BBS9: variants seen among roughly 807,000 people sequenced by gnomAD.
The protein encoded by BBS9 is Bardet-Biedl syndrome 9.
A neutral mutation model predicts 117.7 loss-of-function variants in BBS9; 89 were observed. That is an observed-to-expected ratio of 0.76 (90% CI 0.64 to 0.90). BBS9 has a LOEUF of 0.90. Ranked by LOEUF, BBS9 falls within the 40% of genes least tolerant of loss-of-function variation. BBS9 has a pLI of 0.00. For missense variants in BBS9, 982 were observed against 1,042.2 expected, an observed-to-expected ratio of 0.94 and a Z score of 0.80; for synonymous variants, 379 against 370.9, an observed-to-expected ratio of 1.02 and a Z score of -0.25.
intron 5 of BBS9, among the ~76,000 whole-genome samples, chr7:33,206,155 A>C (rs1786876587): frequency 6.6e-6 from 1 of 152,226 alleles, no homozygotes; most frequent in Admixed American, 6.5e-5. Context: ...AAATCTCTGC[A>C]AATCCCCAAG....
intron 19 of BBS9, among the ~76,000 whole-genome samples, chr7:33,441,667 CA>C (rs1836212646): frequency 6.6e-6 from 1 of 152,168 alleles, no homozygotes; most frequent in African/African-American, 2.4e-5. Flanking sequence ...TTAATGTTTG[CA>C]TGGTTGTTAA....
At chr7:33,247,140 AT>A (rs975138627) in intron 5 of BBS9, among the ~76,000 whole-genome samples, 2 of 151,924 alleles carry the variant, frequency 1.3e-5, no homozygotes, top group Non-Finnish European at 2.9e-5. Context: ...CTCTGAAAGA[AT>A]TTTTTCCCTT....
At chr7:33,261,312 C>T (rs10251272) in intron 6 of BBS9, among the ~76,000 whole-genome samples, 24,989 of 152,118 alleles carry the variant, frequency 0.16, 2,411 homozygotes, top group Non-Finnish European at 0.22. Context: ...CAGTGCTCCT[C>T]GATGGCAGGA....
At chr7:33,159,697 A>G (rs1794573526) in intron 4 of BBS9, among the ~76,000 whole-genome samples, 1 of 152,224 alleles carries the variant, frequency 6.6e-6, no homozygotes, top group Non-Finnish European at 1.5e-5. Flanking sequence ...TTCATAGGTT[A>G]CAGTGCCCTC....
At chr7:33,411,185 G>A (rs1004122856) in intron 19 of BBS9, among the ~76,000 whole-genome samples, 1 of 152,020 alleles carries the variant, frequency 6.6e-6, no homozygotes, top group Non-Finnish European at 1.5e-5. Flanking sequence ...TTGGTTTTCA[G>A]TTGCAGATGC....
intron 21 of BBS9, among the ~76,000 whole-genome samples, chr7:33,634,581 A>G (rs1298527514): frequency 6.6e-6 from 1 of 152,176 alleles, no homozygotes; most frequent in Non-Finnish European, 1.5e-5. Context: ...CCTCAGTGCT[A>G]TCTTACCTTG....
chr7:33,129,380 C>T, upstream of BBS9: 3 of 404,984 alleles, frequency 7.4e-6, no homozygotes, highest in Non-Finnish European at 1.3e-5. Context: ...GTAATTATCA[C>T]TCTCTGCTAA....
intron 19 of BBS9, among the ~76,000 whole-genome samples, chr7:33,424,502 A>G (rs184668375): frequency 3.3e-5 from 5 of 152,330 alleles, no homozygotes; most frequent in Admixed American, 3.3e-4. Flanking sequence ...GGCAGGGTCC[A>G]GGAAAATGCC....
Position 33,307,430 on chromosome 7 carries a change from A to G in BBS9, c.1017-29011A>G, listed in dbSNP as rs190033731. 6.4e-4 allele frequency among the ~76,000 whole-genome samples: 97 copies of G among 152,134 alleles called. No individual in the cohort carries two copies. In the East Asian group the frequency reaches 0.014, roughly 22 times the overall value. On this transcript the variant is annotated intron_variant, in intron 9 of 22. Transcript: ENST00000242067. ...TCAAAAAAGTTTCTTATTAGCAGTG[A>G]CATGTGTTTACAAAATTGGCTTGTC... is the stretch of plus-strand genomic sequence containing the variant.
chr7:33,349,395 G>A, intron 13 of BBS9: 1 of 552,584 alleles, frequency 1.8e-6, no homozygotes, highest in Non-Finnish European at 3.5e-6. Flanking sequence ...AGATTTCTAG[G>A]TGCTTTTCTG....
rs971273545 is a variant in BBS9 at position 33,582,123 on chromosome 7, T to C, written c.2522-22742T>C. On this transcript the variant is annotated intron_variant, in intron 21 of 22. Transcript: ENST00000242067. ...TCACCTACCCCTAGCCCCTCTTTGC[T>C]GTAATAGATATTGACCCTAAGTCCT... Among the ~76,000 whole-genome samples the C allele has an allele frequency of 7.2e-5, 11 of 152,252 alleles. 1 individual carries two copies. Among genetic ancestry groups the C allele is most frequent in the African/African-American group, 2.4e-4 (10 of 41,562 alleles).
intron 5 of BBS9, among the ~76,000 whole-genome samples, chr7:33,190,118 A>ATT (rs35553731): frequency 0.014 from 1,598 of 117,684 alleles, 46 homozygotes; most frequent in African/African-American, 0.044. Flanking sequence ...TTACATGGGG[A>ATT]TTTTTTTTTT....
chr7:33,581,467 ACAAATAGACAT>A (rs1246872078), intron 21 of BBS9, among the ~76,000 whole-genome samples: 2 of 152,236 alleles, frequency 1.3e-5, no homozygotes, highest in East Asian at 3.9e-4. Context: ...TCTCTGCTTG[ACAAATAGACAT>A]CAAATAAAGA....
intron 19 of BBS9, among the ~76,000 whole-genome samples, chr7:33,471,513 G>C (rs140087892): frequency 6.6e-6 from 1 of 152,182 alleles, no homozygotes; most frequent in African/African-American, 2.4e-5. Flanking sequence ...TGGAACAACA[G>C]TATGACTAGA....
intron 5 of BBS9, among the ~76,000 whole-genome samples, chr7:33,245,897 G>A (rs1795261099): frequency 6.6e-6 from 1 of 152,134 alleles, no homozygotes; most frequent in Non-Finnish European, 1.5e-5. Context: ...GGGGCTGGGT[G>A]AGAGGGAGTA....
Position 33,605,517 on chromosome 7 carries a change from G to T in BBS9, c.*291G>T. On this transcript the variant is annotated 3_prime_UTR_variant, in exon 23 of 23. Transcript: ENST00000242067. Reference sequence around the variant, plus strand: ...AATACAGTGAAATGACATAGTTTTGGGTTAGATTTTATAATGCAAAGATTC... The same window carrying T: ...AATACAGTGAAATGACATAGTTTTGTGTTAGATTTTATAATGCAAAGATTC... 4.8e-6 allele frequency: 2 copies of T among 419,652 alleles called. No homozygotes were observed. The highest frequency in any genetic ancestry group is 4.2e-5 in the East Asian group (1 of 24,014). 26.0% of individuals were successfully genotyped at this position (419,652 alleles called of 1,614,324 possible).
At chr7:33,384,117 A>G (rs765746023) in intron 18 of BBS9, among the ~76,000 whole-genome samples, 4 of 152,338 alleles carry the variant, frequency 2.6e-5, no homozygotes, top group Non-Finnish European at 4.4e-5. Context: ...CTTGACCCCA[A>G]TAACCCAGTG....
chr7:33,229,883 A>G (rs1029670273), intron 5 of BBS9, among the ~76,000 whole-genome samples: 2 of 152,060 alleles, frequency 1.3e-5, no homozygotes, highest in Non-Finnish European at 2.9e-5. Flanking sequence ...CCAACGGTAT[A>G]CAAGAGTTCC....
intron 16 of BBS9, among the ~76,000 whole-genome samples, chr7:33,366,922 C>G (rs1343708440): frequency 6.6e-6 from 1 of 152,124 alleles, no homozygotes; most frequent in East Asian, 1.9e-4. Context: ...ATTGACTATT[C>G]TGGCCGGAGT....
Sources: gnomAD v4.1 joint callset for allele counts (sites outside exome capture counted in the v4.1 genomes callset) on GRCh38, gnomAD v4.1.1 for gene constraint, MANE v1.5 for transcripts, NCBI Gene and HGNC (gene_info 2026-07-23, HGNC 2026-07-21) for gene names.